Variants in KIF7 observed in about 807,000 individuals in gnomAD.
The protein encoded by KIF7 is kinesin family member 7.
In KIF7, 104 loss-of-function variants were observed where a neutral mutation model predicts 135.7. The observed-to-expected ratio is 0.77, with a 90% CI of 0.65 to 0.90. The LOEUF (loss-of-function observed/expected upper bound fraction) is 0.90. KIF7 is among the 40% of genes least tolerant of loss of function. The pLI is 0.00. For missense variants in KIF7, 2,005 were observed against 1,839.1 expected (o/e 1.09, Z -1.65); for synonymous variants, 883 against 809.4 (o/e 1.09, Z -1.54).
chr15:89,629,330 G>T, intron 17 of KIF7, 45 bp downstream of exon 17: 2 of 1,258,296 alleles, frequency 1.6e-6, no homozygotes, highest in Non-Finnish European at 1.1e-6. Context: ...GGGGTGGGGG[G>T]GATGGAGGGG....
At chr15:89,640,043 CA>C (rs1963888541) in intron 11 of KIF7, among the ~76,000 whole-genome samples, 1 of 150,608 alleles carries the variant, frequency 6.6e-6, no homozygotes, top group East Asian at 2.0e-4. Context: ...ATCACAAGAA[CA>C]AAAAACCAAA....
intron 15 of KIF7, 66 bp downstream of exon 15, chr15:89,631,429 C>A: frequency 7.1e-7 from 1 of 1,401,192 alleles, no homozygotes. Context: ...GGAGCAAGGG[C>A]TGAGGAGAGC....
intron 11 of KIF7, among the ~76,000 whole-genome samples, chr15:89,634,236 T>C (rs1236766630): frequency 1.3e-5 from 2 of 151,672 alleles, no homozygotes; most frequent in African/African-American, 4.8e-5. Flanking sequence ...GAGGCAGAGG[T>C]TGCAGTGAGC....
chr15:89,635,004 A>G (rs1019840213), intron 11 of KIF7, among the ~76,000 whole-genome samples: 13 of 152,266 alleles, frequency 8.5e-5, no homozygotes, highest in Non-Finnish European at 1.5e-4. Flanking sequence ...TGCCTCCTCA[A>G]GTGGGTTCCT....
In KIF7 at chr15:89,630,333, A is replaced by C. The variant is rs767497946; in HGVS notation, c.3272T>G (p.Leu1091Arg). The stretch of plus-strand genomic sequence containing the variant: ...GAGGGCTCTGGTCTCTGAGGATGAG[A>C]GGTAGCTGAGCTTGGCCATGAGGTT... ...EMNLMAKLSY[L>R]SSSETRALLC... Residue 1091 changes from leucine to arginine, a missense_variant, in exon 16 of 19, where the codon CTC becomes CGC. By Grantham distance (102) the Leu-to-Arg change is moderately radical. Transcript: ENST00000394412. 1 of 1,614,020 alleles carries C rather than the reference A, an allele frequency of 6.2e-7. No individual in the cohort carries two copies. Among genetic ancestry groups the C allele is most frequent in the Non-Finnish European group, 8.5e-7 (1 of 1,180,014 alleles).
At position 89,645,878 on chromosome 15, in the gene KIF7, G is replaced by A; in HGVS notation, c.1922+15C>T. On this transcript the variant is annotated intron_variant, in intron 8 of 18. Coordinates refer to ENST00000394412, the MANE Select transcript of KIF7 (RefSeq NM_198525.3). ...AGCAGGTCCTTGTCAGGTGGGGGCA[G>A]TGGGTCCCACTCACCTGCGCAGGTG... 1.2e-6 allele frequency: 2 copies of A among 1,612,440 alleles called. No individual in the cohort carries two copies. Among genetic ancestry groups the A allele is most frequent in the Non-Finnish European group, 1.7e-6 (2 of 1,179,578 alleles).
downstream of KIF7, chr15:89,625,808 A>G (rs150897144): frequency 3.6e-5 from 57 of 1,581,924 alleles, no homozygotes; most frequent in East Asian, 1.2e-3. Flanking sequence ...TTTGAAACCC[A>G]GTTTCCTCAT....
chr15:89,633,699 T>G lies in KIF7; in HGVS notation c.2579A>C (p.Gln860Pro). The change falls in exon 12 of 19, where the codon CAG (glutamine) becomes CCG (proline). Residue 860 changes from glutamine (Q) to proline (P), a missense_variant. Coordinates refer to ENST00000394412, the MANE Select transcript of KIF7 (RefSeq NM_198525.3). ...CGTGAGCCTGACCTTGACGCGGTGC[T>G]GCCGCTTGCTCATTTCTGCCTCCAG... ...RRLEAEMSKR[Q>P]HRVKELELKH... 1 of 1,607,642 alleles carries G rather than the reference T, an allele frequency of 6.2e-7. No individual in the cohort carries two copies. Among genetic ancestry groups the G allele is most frequent in the Non-Finnish European group, 8.5e-7 (1 of 1,179,870 alleles).
the KIF7 span, among the ~76,000 whole-genome samples, chr15:89,662,176 T>A: frequency 1.3e-5 from 2 of 152,140 alleles, no homozygotes; most frequent in Non-Finnish European, 2.9e-5. Flanking sequence ...TGCCCGGAAG[T>A]CCCTTGGATA....
chr15:89,642,453 A>G (rs1278817288), intron 10 of KIF7, 48 bp from the exon 11 acceptor site: 1 of 1,508,476 alleles, frequency 6.6e-7, no homozygotes, highest in Non-Finnish European at 8.9e-7. Context: ...CTCCACCGAG[A>G]GGGCCAGCTG....
Position 89,652,854 on chromosome 15 carries a change from A to C in KIF7, c.77T>G (p.Leu26Arg), listed in dbSNP as rs1198797617. ...VRVALRVRPL[L>R]PKELLHGHQS... is the part of the protein sequence containing the mutation. ...ATGCCCGTGCAGCAGCTCCTTGGGC[A>C]GCAGTGGTCGAACTCGCAGGGCAAC... is the stretch of plus-strand genomic sequence containing the variant. Residue 26 changes from leucine to arginine, a missense_variant, in exon 2 of 19, where the codon CTG becomes CGG. By Grantham distance (102) the Leu-to-Arg change is moderately radical (BLOSUM62 -2). Coordinates refer to ENST00000394412, the MANE Select transcript of KIF7 (RefSeq NM_198525.3). 1 of 1,548,218 alleles carries C rather than the reference A, an allele frequency of 6.5e-7. No individual in the cohort carries two copies. Among genetic ancestry groups the C allele is most frequent in the African/African-American group, 1.4e-5 (1 of 73,038 alleles).
rs781533296 is a variant in KIF7, at chr15:89,652,959, G to GGA, written c.-24-7_-24-6dup. 6.8e-7 allele frequency: 1 copy of GGA among 1,467,098 alleles called. No individual in the cohort carries two copies. The highest frequency in any genetic ancestry group is 9.0e-7 in the Non-Finnish European group (1 of 1,106,972). The allele number at this position is 1,467,098 out of a possible 1,614,324, so 90.9% of individuals were successfully genotyped here. A position where few individuals can be genotyped will look rare whatever the true frequency, so the allele number is the denominator to read the frequency against. ...GAGGGAGGACTGCTCTGGGCCCTGT[G>GGA]GAGAGAGAGAGAAGCCCTGGCCATC... On this transcript the variant is annotated splice_polypyrimidine_tract_variant and splice_region_variant and intron_variant, in intron 1 of 18. Transcript: ENST00000394412.
downstream of KIF7, chr15:89,624,054 C>G (rs759463753): frequency 4.3e-6 from 7 of 1,613,918 alleles, no homozygotes; most frequent in African/African-American, 9.4e-5. Context: ...GAGACCCTCT[C>G]AGAACACCTC....
chr15:89,660,631 T>C, the KIF7 span, among the ~76,000 whole-genome samples: 1 of 152,222 alleles, frequency 6.6e-6, no homozygotes, highest in Admixed American at 6.5e-5. Flanking sequence ...TCTGGACTAC[T>C]CATCTCTGGG....
At chr15:89,633,371 G>A in intron 12 of KIF7, 105 bp from the exon 13 acceptor site, 2 of 1,455,586 alleles carry the variant, frequency 1.4e-6, no homozygotes, top group African/African-American at 1.4e-5. Context: ...CTCCCAAGAG[G>A]GCCCTGCGAA....
In KIF7 at chr15:89,628,569, C is replaced by T. The variant is rs1336608252; in HGVS notation, c.3882G>A (p.Arg1294=). 6.2e-7 allele frequency: 1 copy of T among 1,613,530 alleles called. No homozygotes were observed. Among genetic ancestry groups the T allele is most frequent in the Admixed American group, 1.7e-5 (1 of 60,030 alleles). ...CCAGGGGCTCAGCCGCCTCCCGCTG[C>T]CTCAGTTCCTCGGGGGACCCCTGCT... The part of the protein sequence containing the change: ...GEEQGSPEEL[R]QREAAEPLVG... Residue 1294 remains arginine, a synonymous_variant, in exon 19 of 19, where the codon AGG becomes AGA. Transcript: ENST00000394412.
chr15:89,646,915 AG>A lies in KIF7; in HGVS notation c.1702del (p.Leu568TrpfsTer31). 16 of 1,613,964 alleles carry A rather than the reference AG, an allele frequency of 9.9e-6. No individual in the cohort carries two copies. Among genetic ancestry groups the A allele is most frequent in the Non-Finnish European group, 1.3e-5 (15 of 1,179,984 alleles). On this transcript the variant is annotated frameshift_variant, in exon 7 of 19. Transcript: ENST00000394412. LOFTEE classifies it high-confidence loss of function. Reference protein sequence around the residue: ...SFVPRPHTAPLGGAHAHVLGM... With the variant: ...SFVPRPHTAPXGGAHAHVLGM... ...CAGCACATGGGCGTGGGCACCCCCCAGGGGGGCTGTATGAGGTCGAGGCACA... is the reference window on the plus strand; with the variant it reads ...CAGCACATGGGCGTGGGCACCCCCCAGGGGGCTGTATGAGGTCGAGGCACA...
intron 14 of KIF7, 129 bp from the exon 15 acceptor site, chr15:89,631,839 C>T (rs1017149520): frequency 1.3e-6 from 1 of 795,788 alleles, no homozygotes; most frequent in African/African-American, 1.7e-5. Context: ...ATGTTCTGCT[C>T]AGCAGGGAGA....
chr15:89,627,522 A>C (rs541320353), downstream of KIF7: 48 of 171,370 alleles, frequency 2.8e-4, no homozygotes, highest in Non-Finnish European at 5.1e-4. Context: ...CATATACGTG[A>C]AACTGAAGAG....
Sources: gnomAD v4.1 joint callset for allele counts (sites outside exome capture counted in the v4.1 genomes callset) on GRCh38, gnomAD v4.1.1 for gene constraint, MANE v1.5 for transcripts, NCBI Gene and HGNC (gene_info 2026-07-23, HGNC 2026-07-21) for gene names.